The following NR5A2 variants were observed in gnomAD, a reference collection of about 807,000 sequenced individuals.
NR5A2 encodes CYP7A promoter-binding factor.
A neutral mutation model predicts 62.7 loss-of-function variants in NR5A2; 26 were observed. The ratio of observed to expected loss-of-function variants is 0.41; its 90% CI spans 0.30 to 0.58. The LOEUF is 0.58. Ranked by LOEUF, NR5A2 falls within the 20% of genes least tolerant of loss-of-function variation. NR5A2 has a pLI of 0.22. For missense variants in NR5A2, 541 were observed against 669.1 expected (o/e 0.81, Z 2.11); for synonymous variants, 246 against 241.7 (o/e 1.02, Z -0.16).
intron 5 of NR5A2, among the ~76,000 whole-genome samples, chr1:200,105,173 T>G (rs990189620): frequency 7.2e-5 from 11 of 152,134 alleles, no homozygotes; most frequent in Admixed American, 7.2e-4. Flanking sequence ...TTGCCCAGGT[T>G]GGTCTTGAAT....
At chr1:200,063,478 A>C (rs533784127) in intron 5 of NR5A2, among the ~76,000 whole-genome samples, 3 of 152,056 alleles carry the variant, frequency 2.0e-5, no homozygotes, top group Admixed American at 2.0e-4. Context: ...ACTATGTTGC[A>C]CTCATCTGTT....
intron 7 of NR5A2, among the ~76,000 whole-genome samples, chr1:200,134,691 C>T (rs2102334943): frequency 6.6e-6 from 1 of 152,232 alleles, no homozygotes; most frequent in South Asian, 2.1e-4. Context: ...CCATTTATCC[C>T]AAGAGAAAGT....
chr1:200,087,800 G>T (rs1664625381), intron 5 of NR5A2, among the ~76,000 whole-genome samples: 3 of 150,738 alleles, frequency 2.0e-5, no homozygotes, highest in Admixed American at 1.3e-4. Flanking sequence ...CTCCCAGGCT[G>T]GAGTGCAATG....
rs116285436 is a variant in NR5A2 at position 200,141,055 on chromosome 1, A to C, written c.1378+20100A>C. On this transcript the variant is annotated intron_variant, in intron 7 of 7. Coordinates refer to ENST00000367362, the MANE Select transcript of NR5A2 (RefSeq NM_205860.3). Reference sequence around the variant, plus strand: ...CTAAACAAACAAACAAACAAACAAAACCAGGAAAATGGCATTGGTATAGTC... The same window carrying C: ...CTAAACAAACAAACAAACAAACAAACCCAGGAAAATGGCATTGGTATAGTC... Among the ~76,000 whole-genome samples the C allele has an allele frequency of 3.3e-3, 495 of 147,830 alleles. 1 individual carries two copies. Among genetic ancestry groups the C allele is most frequent in the African/African-American group, 0.012 (486 of 40,928 alleles).
intron 1 of NR5A2, among the ~76,000 whole-genome samples, chr1:200,037,169 G>A (rs568184131): frequency 2.0e-4 from 31 of 152,298 alleles, no homozygotes; most frequent in Middle Eastern, 3.4e-3. Context: ...CTGGCGTTAT[G>A]AGCATGGTCA....
chr1:200,152,361 G>A (rs1249303575), intron 7 of NR5A2, among the ~76,000 whole-genome samples: 1 of 152,028 alleles, frequency 6.6e-6, no homozygotes, highest in Non-Finnish European at 1.5e-5. Context: ...TCTACATAAA[G>A]GTTTTCCATA....
intron 1 of NR5A2, among the ~76,000 whole-genome samples, chr1:200,037,671 A>G (rs1374575515): frequency 1.3e-5 from 2 of 152,204 alleles, no homozygotes; most frequent in South Asian, 2.1e-4. Context: ...AGCTTTTGGC[A>G]ACTTCAGCCC....
intron 5 of NR5A2, among the ~76,000 whole-genome samples, chr1:200,073,571 A>C (rs1663854373): frequency 6.6e-6 from 1 of 151,892 alleles, no homozygotes; most frequent in Non-Finnish European, 1.5e-5. Flanking sequence ...AATGACAAAA[A>C]AGTCTGTACA....
chr1:200,142,074 C>G (rs568547943), intron 7 of NR5A2, among the ~76,000 whole-genome samples: 2 of 152,040 alleles, frequency 1.3e-5, no homozygotes, highest in South Asian at 4.2e-4. Context: ...GCTTTTTTCC[C>G]CCTTTTATCT....
At chr1:200,170,426 C>T (rs1169164988) in intron 7 of NR5A2, among the ~76,000 whole-genome samples, 2 of 152,004 alleles carry the variant, frequency 1.3e-5, no homozygotes, top group Non-Finnish European at 2.9e-5. Context: ...CCATGAGTAC[C>T]GAGGAAACAC....
chr1:200,097,962 AT>A (rs1460766916), intron 5 of NR5A2, among the ~76,000 whole-genome samples: 1 of 152,338 alleles, frequency 6.6e-6, no homozygotes, highest in East Asian at 1.9e-4. Flanking sequence ...TGATTTCAAA[AT>A]CATTACCTTG....
chr1:200,088,216 T>TTG lies in NR5A2; in HGVS notation c.1111-22985_1111-22984insGT, dbSNP rs1664647076. On this transcript the variant is annotated intron_variant, in intron 5 of 7. Coordinates refer to ENST00000367362, the MANE Select transcript of NR5A2 (RefSeq NM_205860.3). ...CATGGTGCCCAGCCCCTTGTTTTTT[T>TTG]TTGTTGTTGTTGTTTTTGTTTTTGT... Among the ~76,000 whole-genome samples, 11 of 149,894 alleles carry TTG rather than the reference T, an allele frequency of 7.3e-5. No individual in the cohort carries two copies. The South Asian group carries it at 2.1e-3, about 29-fold the overall frequency.
At chr1:200,042,957 G>T in intron 2 of NR5A2, 2 of 984,744 alleles carry the variant, frequency 2.0e-6, no homozygotes, top group Non-Finnish European at 2.4e-6. Flanking sequence ...TTAATAGGGC[G>T]ATCTCGAGGT....
intron 5 of NR5A2, among the ~76,000 whole-genome samples, chr1:200,110,236 A>G (rs896037407): frequency 3.9e-5 from 6 of 152,224 alleles, no homozygotes; most frequent in African/African-American, 1.4e-4. Flanking sequence ...TTTTTCAATA[A>G]TGTATAGTGT....
At chr1:200,099,222 C>T (rs894113016) in intron 5 of NR5A2, among the ~76,000 whole-genome samples, 7 of 152,134 alleles carry the variant, frequency 4.6e-5, no homozygotes, top group African/African-American at 1.2e-4. Context: ...GCCCTAATTT[C>T]GGTTGTACTT....
intron 7 of NR5A2, among the ~76,000 whole-genome samples, chr1:200,155,713 A>G (rs61826164): frequency 2.0e-5 from 3 of 151,486 alleles, no homozygotes; most frequent in African/African-American, 7.3e-5. Context: ...TCACTCTGTC[A>G]CCCAGGCTGG....
chr1:200,109,818 G>A (rs1038905253), intron 5 of NR5A2, among the ~76,000 whole-genome samples: 1 of 152,222 alleles, frequency 6.6e-6, no homozygotes, highest in African/African-American at 2.4e-5. Flanking sequence ...AGGCTGGAGT[G>A]CAGTGGCATG....
At position 200,039,855 on chromosome 1, in the gene NR5A2, T is replaced by A. The variant is rs1661981593; in HGVS notation, c.202+60T>A. The stretch of plus-strand genomic sequence containing the variant: ...TGCTTCCCCACCCCCGGGCTCGCCC[T>A]GCAGGCTTCAGCCTCCCGCCCCGCG... On this transcript the variant is annotated intron_variant, in intron 2 of 7. Transcript: ENST00000367362. This position sits in a 1 kb window ranked among gnomAD's most constrained non-coding sequence, Gnocchi z 5.1. The A allele has an allele frequency of 6.5e-7, 1 of 1,532,456 alleles. No individual in the cohort carries two copies. The highest frequency in any genetic ancestry group is 2.6e-5 in the East Asian group (1 of 38,560). 94.9% of individuals were successfully genotyped at this position (1,532,456 alleles called of 1,614,324 possible).
intron 6 of NR5A2, among the ~76,000 whole-genome samples, chr1:200,117,109 A>G (rs1298961532): frequency 6.6e-6 from 1 of 152,258 alleles, no homozygotes; most frequent in Non-Finnish European, 1.5e-5. Flanking sequence ...ACATCAGTTT[A>G]GAGTATTGCT....
Sources: gnomAD v4.1 joint callset for allele counts (sites outside exome capture counted in the v4.1 genomes callset) on GRCh38, gnomAD v4.1.1 for gene constraint, Gnocchi (gnomAD v3.1) non-coding constraint, MANE v1.5 for transcripts, NCBI Gene and HGNC (gene_info 2026-07-23, HGNC 2026-07-21) for gene names.